TENM2: variants seen among roughly 807,000 people sequenced by gnomAD.
TENM2 encodes the protein teneurin-2.
TENM2 carries 52 observed loss-of-function variants against 245.2 expected under a neutral mutation model. That is an observed-to-expected ratio of 0.21 (90% confidence interval 0.17 to 0.27). TENM2 has a LOEUF of 0.27. Ranked by LOEUF, TENM2 falls within the 10% of genes least tolerant of loss-of-function variation. The pLI is 1.00. For missense variants in TENM2, 3,046 were observed against 3,666.8 expected, an observed-to-expected ratio of 0.83 and a Z score of 4.37; for synonymous variants, 1,363 against 1,438.9, an observed-to-expected ratio of 0.95 and a Z score of 1.19.
chr5:167,776,659 ATATATT>A (rs1208365870), intron 2 of TENM2, among the ~76,000 whole-genome samples: 2 of 70,182 alleles, frequency 2.8e-5, no homozygotes, highest in South Asian at 5.5e-4. Flanking sequence ...ATATATATAT[ATATATT>A]TTTCATTAAC....
the TENM2 span, among the ~76,000 whole-genome samples, chr5:167,051,259 C>G: frequency 4.0e-5 from 6 of 151,110 alleles, no homozygotes; most frequent in Admixed American, 6.6e-5. Flanking sequence ...TGTTTGGATT[C>G]AAATGTCATC....
intron 2 of TENM2, among the ~76,000 whole-genome samples, chr5:167,802,035 G>A (rs368223142): frequency 2.0e-5 from 3 of 152,128 alleles, no homozygotes; most frequent in African/African-American, 7.2e-5. Context: ...CTCATTCCCC[G>A]TAGATGGCAC....
chr5:168,082,671 AG>A (rs746085240), intron 7 of TENM2, among the ~76,000 whole-genome samples: 5 of 152,170 alleles, frequency 3.3e-5, no homozygotes, highest in Non-Finnish European at 7.3e-5. Context: ...TCCCTCTAAC[AG>A]TCAGGACCCT....
At chr5:167,826,386 A>C (rs1262321383) in intron 2 of TENM2, among the ~76,000 whole-genome samples, 2 of 152,290 alleles carry the variant, frequency 1.3e-5, no homozygotes, top group South Asian at 4.1e-4. Flanking sequence ...AGAGCAGCTC[A>C]GCACTCTCCA....
rs976038481 is a variant in TENM2, at chr5:167,626,005, C to T, written c.503-249981C>T. ...GAAGACATCTCTTCTATGACCCAAC[C>T]TTGGGACCCATCCTTAGACCCACCA... On this transcript the variant is annotated intron_variant, in intron 2 of 28. Coordinates refer to ENST00000518659, the Ensembl canonical transcript of TENM2. Among the ~76,000 whole-genome samples the T allele has an allele frequency of 3.3e-5, 5 of 152,102 alleles. 1 individual carries two copies. Among genetic ancestry groups the T allele is most frequent in the Non-Finnish European group, 7.4e-5 (5 of 68,026 alleles).
At chr5:167,022,530 G>A in the TENM2 span, among the ~76,000 whole-genome samples, 2 of 152,268 alleles carry the variant, frequency 1.3e-5, no homozygotes, top group East Asian at 3.9e-4. Context: ...TGTATGTCCT[G>A]TATTTTTATT....
chr5:167,832,081 C>T (rs1768550839), intron 2 of TENM2, among the ~76,000 whole-genome samples: 1 of 152,048 alleles, frequency 6.6e-6, no homozygotes, highest in Non-Finnish European at 1.5e-5. Context: ...GCTTTCTAAA[C>T]TGAAACGACC....
chr5:167,454,946 G>T (rs923471951), intron 2 of TENM2, among the ~76,000 whole-genome samples: 2 of 152,186 alleles, frequency 1.3e-5, no homozygotes, highest in Non-Finnish European at 2.9e-5. Context: ...AAGGGGAAGT[G>T]AAATGCTGTT....
chr5:167,072,684 C>T, the TENM2 span, among the ~76,000 whole-genome samples: 1 of 152,178 alleles, frequency 6.6e-6, no homozygotes, highest in African/African-American at 2.4e-5. Context: ...TTGCTCAGAG[C>T]AAGTTCTGTT....
chr5:167,534,271 C>A (rs1317585131), intron 2 of TENM2, among the ~76,000 whole-genome samples: 1 of 152,024 alleles, frequency 6.6e-6, no homozygotes, highest in African/African-American at 2.4e-5. Context: ...ATAAAATAGG[C>A]GTTCTAAGGG....
chr5:167,033,083 G>A, the TENM2 span, among the ~76,000 whole-genome samples: 1 of 152,102 alleles, frequency 6.6e-6, no homozygotes, highest in African/African-American at 2.4e-5. Flanking sequence ...AAAGCCCATA[G>A]GTTTGCTGGA....
At chr5:167,769,886 G>A (rs1763288860) in intron 2 of TENM2, among the ~76,000 whole-genome samples, 1 of 152,022 alleles carries the variant, frequency 6.6e-6, no homozygotes, top group Non-Finnish European at 1.5e-5. Context: ...AGCTTGGTGT[G>A]GGTCTAAACC....
chr5:168,078,101 T>C (rs557844481), intron 7 of TENM2, among the ~76,000 whole-genome samples: 11 of 152,266 alleles, frequency 7.2e-5, no homozygotes, highest in African/African-American at 2.6e-4. Context: ...TGTTTCCTGA[T>C]TTTTTAATGA....
At chr5:167,277,844 A>T in the TENM2 span, among the ~76,000 whole-genome samples, 1 of 152,194 alleles carries the variant, frequency 6.6e-6, no homozygotes, top group African/African-American at 2.4e-5. Flanking sequence ...TGGAAGATTT[A>T]CCCTTTTATA....
chr5:167,760,311 T>G (rs879480408), intron 2 of TENM2, among the ~76,000 whole-genome samples: 18 of 152,216 alleles, frequency 1.2e-4, no homozygotes, highest in Non-Finnish European at 2.2e-4. Context: ...CCATCTTTTG[T>G]TGTTCAGGAT....
intron 17 of TENM2, among the ~76,000 whole-genome samples, chr5:168,201,970 G>C (rs917823731): frequency 6.6e-6 from 1 of 152,144 alleles, no homozygotes; most frequent in African/African-American, 2.4e-5. Context: ...AGCTTTCTCA[G>C]GTTCAGGTTT....
intron 2 of TENM2, among the ~76,000 whole-genome samples, chr5:167,640,437 G>A (rs965820086): frequency 2.0e-5 from 3 of 151,968 alleles, no homozygotes; most frequent in African/African-American, 4.8e-5. Flanking sequence ...GGCCAACATG[G>A]CAAAACCCTG....
the TENM2 span, among the ~76,000 whole-genome samples, chr5:167,026,341 C>T: frequency 6.6e-6 from 1 of 152,330 alleles, no homozygotes; most frequent in East Asian, 1.9e-4. Flanking sequence ...AACACAAGGC[C>T]TGCGTTTCCA....
chr5:167,264,609 T>C, the TENM2 span, among the ~76,000 whole-genome samples: 69 of 152,300 alleles, frequency 4.5e-4, no homozygotes, highest in African/African-American at 1.6e-3. Context: ...GGATAGTGAA[T>C]AGATATACTG....
Sources: allele counts gnomAD v4.1 joint callset (sites outside exome capture counted in the v4.1 genomes callset), GRCh38; gene constraint gnomAD v4.1.1; transcripts MANE v1.5; gene names NCBI Gene and HGNC (gene_info 2026-07-23, HGNC 2026-07-21).